IL17RE: variants seen among roughly 807,000 people sequenced by gnomAD.
The protein encoded by IL17RE is interleukin 17 receptor E.
A neutral mutation model predicts 70.7 loss-of-function variants in IL17RE; 47 were observed. That is an observed-to-expected ratio of 0.67 (90% CI 0.53 to 0.85). The LOEUF (loss-of-function observed/expected upper bound fraction) is 0.85. IL17RE is among the 40% of genes least tolerant of loss of function. The probability of loss-of-function intolerance (pLI) is 0.00; values close to 1 mark genes in which losing one functional copy is unlikely to be tolerated. For missense variants in IL17RE, 850 were observed against 893.9 expected (o/e 0.95, Z 0.63); for synonymous variants, 372 against 381.2 (o/e 0.98, Z 0.28).
chr3:9,903,960 A>T (rs2082693247), intron 2 of IL17RE, 72 bp from the exon 3 acceptor site: 1 of 1,584,490 alleles, frequency 6.3e-7, no homozygotes, highest in Non-Finnish European at 8.6e-7. Context: ...GCTTGGCCTC[A>T]AATCCAGCTT....
In IL17RE at chr3:9,915,350, T is replaced by C; in HGVS notation, c.1547T>C (p.Leu516Pro). 1 of 1,370,554 alleles carries C rather than the reference T, an allele frequency of 7.3e-7. No homozygotes were observed. Among genetic ancestry groups the C allele is most frequent in the South Asian group, 1.7e-5 (1 of 57,404 alleles). 84.9% of individuals were successfully genotyped at this position (1,370,554 alleles called of 1,614,324 possible). ...GALAELLRAA[L>P]GGGRDVIVDL... ...CTGGCTGAACTGCTACGGGCAGCGC[T>C]GGGCGGCGGGCGCGACGTGATCGTG... The change falls in exon 16 of 16, where the codon CTG (leucine) becomes CCG (proline). Residue 516 changes from leucine (L) to proline (P), a missense_variant. By Grantham distance (98) the Leu-to-Pro change is moderately conservative. Transcript: ENST00000383814. This position sits in a 1 kb window ranked among gnomAD's most constrained non-coding sequence, Gnocchi z 4.9.
rs1451996353 is a variant in IL17RE, at chr3:9,916,130, G to T, written c.*323G>T. ...CCAGGCTGGAGAGGTTGGGGCCGGG[G>T]TAGGGAGGCAGGAGCCATGTCAGTT... On this transcript the variant is annotated 3_prime_UTR_variant, in exon 16 of 16. Transcript: ENST00000383814. 1.1e-5 allele frequency: 3 copies of T among 262,358 alleles called. No homozygotes were observed. Among genetic ancestry groups the T allele is most frequent in the African/African-American group, 4.4e-5 (2 of 45,008 alleles). The allele number at this position is 262,358 out of a possible 1,614,324, so 16.3% of individuals were successfully genotyped here. A position where few individuals can be genotyped will look rare whatever the true frequency, so the allele number is the denominator to read the frequency against.
Position 9,911,158 on chromosome 3 carries a change from C to T in IL17RE, c.1010C>T (p.Pro337Leu). The T allele has an allele frequency of 6.2e-7, 1 of 1,614,206 alleles. No homozygotes were observed. The highest frequency in any genetic ancestry group is 8.5e-7 in the Non-Finnish European group (1 of 1,180,036). The change falls in exon 10 of 16, where the codon CCC becomes CTC. Residue 337 changes from proline to leucine, a missense_variant. Transcript: ENST00000383814. ...GTTTTGGAGAAGGTGGACCTGCACC[C>T]CCAGCTCTGCTTCAAGGTACAACCA... ...WYVLEKVDLH[P>L]QLCFKFSFGN...
chr3:9,903,376 C>T (rs1214182501), intron 1 of IL17RE, 21 bp from the exon 2 acceptor site: 2 of 1,613,714 alleles, frequency 1.2e-6, no homozygotes, highest in African/African-American at 2.7e-5. Flanking sequence ...TTTCTTTTCC[C>T]TACTGGGCCC....
At position 9,904,162 on chromosome 3, in the gene IL17RE, C is replaced by G; in HGVS notation, c.268+11C>G. 6.2e-7 allele frequency: 1 copy of G among 1,613,944 alleles called. No individual in the cohort carries two copies. The highest frequency in any genetic ancestry group is 1.1e-5 in the South Asian group (1 of 91,080). On this transcript the variant is annotated intron_variant, in intron 3 of 15. Transcript: ENST00000383814. ...TGTCAGGTGGCTCAGGTATGAGAAA[C>G]AGCCCCTTGGGCCATTCTCAGTGAA...
At chr3:9,910,799 A>G (rs1205856019) in intron 8 of IL17RE, 66 bp from the exon 9 acceptor site, 1 of 1,460,058 alleles carries the variant, frequency 6.8e-7, no homozygotes. Flanking sequence ...TGCCCCCAGG[A>G]TGTGGGTGGC....
chr3:9,915,502 G>A lies in IL17RE; in HGVS notation c.1699G>A (p.Val567Ile). ...GTGGAGCGGCGCCGACCTTCGCCCG[G>A]TCAGCGGCCCCGACCCCCGCGCCGC... is the stretch of plus-strand genomic sequence containing the variant. ...LLWSGADLRPVSGPDPRAAPL... is the reference protein window; with the variant it reads ...LLWSGADLRPISGPDPRAAPL... The change falls in exon 16 of 16, where the codon GTC becomes ATC. Residue 567 changes from valine to isoleucine, a missense_variant. Physicochemically the swap from Val to Ile is conservative, Grantham distance 29. Coordinates refer to ENST00000383814, the MANE Select transcript of IL17RE (RefSeq NM_153480.2). This position sits in a 1 kb window ranked among gnomAD's most constrained non-coding sequence, Gnocchi z 4.9. 7.6e-7 allele frequency: 1 copy of A among 1,313,666 alleles called. No homozygotes were observed. The highest frequency in any genetic ancestry group is 9.6e-7 in the Non-Finnish European group (1 of 1,040,494). 81.4% of individuals were successfully genotyped at this position (1,313,666 alleles called of 1,614,324 possible). A position where few individuals can be genotyped will look rare whatever the true frequency, so the allele number is the denominator to read the frequency against.
chr3:9,911,124 C>T lies in IL17RE; in HGVS notation c.979-3C>T, dbSNP rs1221480834. 3 of 1,614,206 alleles carry T rather than the reference C, an allele frequency of 1.9e-6. No individual in the cohort carries two copies. Among genetic ancestry groups the T allele is most frequent in the Admixed American group, 1.7e-5 (1 of 60,026 alleles). On this transcript the variant is annotated splice_region_variant and splice_polypyrimidine_tract_variant and intron_variant, in intron 9 of 15. Coordinates refer to ENST00000383814, the MANE Select transcript of IL17RE (RefSeq NM_153480.2). The stretch of plus-strand genomic sequence containing the variant: ...CCTGATGAACTCTCCTCTCCTCCCA[C>T]AGTGGTATGTTTTGGAGAAGGTGGA...
At chr3:9,909,087 T>G (rs2082827784) in intron 7 of IL17RE, 130 bp from the exon 8 acceptor site, 3 of 517,756 alleles carry the variant, frequency 5.8e-6, no homozygotes, top group African/African-American at 2.0e-5. Context: ...TGCCCCCTCC[T>G]GCTCGGTCAG....
chr3:9,903,453 A>C (rs1297862764), intron 2 of IL17RE, 41 bp downstream of exon 2: 1 of 1,611,656 alleles, frequency 6.2e-7, no homozygotes, highest in Admixed American at 1.7e-5. Flanking sequence ...CCCCACGCCC[A>C]CTATTTTTGC....
chr3:9,908,655 T>A (rs992347332), intron 7 of IL17RE, among the ~76,000 whole-genome samples: 1 of 152,192 alleles, frequency 6.6e-6, no homozygotes, highest in Non-Finnish European at 1.5e-5. Flanking sequence ...CACTGCAGGA[T>A]CCATATGCCC....
At chr3:9,912,400 C>T (rs578140458) in intron 12 of IL17RE, among the ~76,000 whole-genome samples, 2 of 152,310 alleles carry the variant, frequency 1.3e-5, no homozygotes, top group East Asian at 3.9e-4. Flanking sequence ...TCTCCTGCCT[C>T]CACGAGGCAC....
chr3:9,905,094 C>CAAAAAAAAAAAAAAAAAA (rs71626946), intron 3 of IL17RE, among the ~76,000 whole-genome samples: 3 of 56,162 alleles, frequency 5.3e-5, no homozygotes, highest in African/African-American at 2.1e-4. Flanking sequence ...GACCCTGTCT[C>CAAAAAAAAAAAAAAAAAA]AAAAAAAAAA....
At chr3:9,909,605 C>G (rs1392113269) in intron 8 of IL17RE, 1 of 312,296 alleles carries the variant, frequency 3.2e-6, no homozygotes, top group Non-Finnish European at 5.9e-6. Flanking sequence ...GTCAATTGTT[C>G]TTCTCTGAGC....
chr3:9,902,473 C>G, upstream of IL17RE: 1 of 737,240 alleles, frequency 1.4e-6, no homozygotes, highest in Non-Finnish European at 2.3e-6. Context: ...TCTCCAGCAC[C>G]CAGTGCTGAG....
At position 9,911,566 on chromosome 3, in the gene IL17RE, C is replaced by G; in HGVS notation, c.1196C>G (p.Thr399Ser). 6.2e-7 allele frequency: 1 copy of G among 1,614,114 alleles called. No individual in the cohort carries two copies. The change falls in exon 12 of 16, where the codon ACT becomes AGT. Residue 399 changes from threonine to serine, a missense_variant. Physicochemically the swap from Thr to Ser is moderately conservative, Grantham distance 58 (BLOSUM62 1). Coordinates refer to ENST00000383814, the MANE Select transcript of IL17RE (RefSeq NM_153480.2). The part of the protein sequence containing the change: ...AWSLPGLGQD[T>S]LVPPVYTVSQ... ...AGCCTCCCAGGCTTGGGGCAGGACA[C>G]TTTGGTGCCCCCCGTGTACACTGTC...
In IL17RE at chr3:9,913,929, C is replaced by T. The variant is rs1230252235; in HGVS notation, c.1228-27C>T. 3.1e-6 allele frequency: 5 copies of T among 1,596,732 alleles called. No homozygotes were observed. The South Asian group carries it at 5.5e-5, about 18-fold the overall frequency. On this transcript the variant is annotated intron_variant, in intron 12 of 15. Coordinates refer to ENST00000383814, the MANE Select transcript of IL17RE (RefSeq NM_153480.2). ...AGGGCCAGATTCACCTCCCTGGGGA[C>T]AGCCTTTCTGCTCTTTGTTTCTACA...
chr3:9,902,738 C>T, upstream of IL17RE: 2 of 1,534,518 alleles, frequency 1.3e-6, no homozygotes, highest in South Asian at 1.2e-5. Flanking sequence ...TCCTCAGTCC[C>T]TCCACTTGGA....
Position 9,904,075 on chromosome 3 carries a change from C to T in IL17RE, c.192C>T (p.Phe64=). The change falls in exon 3 of 16, where the codon TTC becomes TTT. Residue 64 remains phenylalanine, a synonymous_variant. Transcript: ENST00000383814. ...CTTGCCGCACCTGGTGGGCCCTCTT[C>T]TCCACAAAGCCTTGGTGTGTGCGAG... The part of the protein sequence containing the change: ...YIPCRTWWAL[F]STKPWCVRVW... The T allele has an allele frequency of 6.2e-7, 1 of 1,614,208 alleles. No homozygotes were observed. Among genetic ancestry groups the T allele is most frequent in the South Asian group, 1.1e-5 (1 of 91,090 alleles).
Sources: gnomAD v4.1 joint callset for allele counts (sites outside exome capture counted in the v4.1 genomes callset) on GRCh38, gnomAD v4.1.1 for gene constraint, Gnocchi (gnomAD v3.1) non-coding constraint, MANE v1.5 for transcripts, NCBI Gene and HGNC (gene_info 2026-07-23, HGNC 2026-07-21) for gene names.